PHRF1: variants seen among roughly 807,000 people sequenced by gnomAD.
The protein encoded by PHRF1 is PHD and ring finger domains 1.
Under a neutral mutation model 128.9 loss-of-function variants are expected in PHRF1, and 53 were observed. The observed-to-expected ratio is 0.41, with a 90% CI of 0.33 to 0.52. The LOEUF (loss-of-function observed/expected upper bound fraction) is 0.52. Ranked by LOEUF, PHRF1 falls within the 20% of genes least tolerant of loss-of-function variation. PHRF1 has a pLI of 0.21. For missense variants in PHRF1, 2,503 were observed against 2,284.5 expected (o/e 1.10, Z -1.95); for synonymous variants, 1,178 against 980.6 (o/e 1.20, Z -3.76).
chr11:586,360 C>G (rs972728679), intron 3 of PHRF1, among the ~76,000 whole-genome samples: 1 of 152,268 alleles, frequency 6.6e-6, no homozygotes, highest in Non-Finnish European at 1.5e-5. Flanking sequence ...CCTCGCAGCT[C>G]TCACTTCTCC....
At position 582,250 on chromosome 11, in the gene PHRF1, G is replaced by A. The variant is rs879061856; in HGVS notation, c.214+169G>A. On this transcript the variant is annotated intron_variant, in intron 3 of 17. Coordinates refer to ENST00000264555, the MANE Select transcript of PHRF1 (RefSeq NM_001286581.2). ...GCTGTGGTGACGGCTCACTTTATTT[G>A]TAGTACTTCATTTCTTTTTTTTTTT... Among the ~76,000 whole-genome samples the A allele has an allele frequency of 5.4e-5, 8 of 148,578 alleles. No individual in the cohort carries two copies. In the South Asian group the frequency reaches 8.5e-4, roughly 16 times the overall value.
At position 608,564 on chromosome 11, in the gene PHRF1, AGT is replaced by A; in HGVS notation, c.3110_3111del (p.Val1037GlyfsTer2). 1 of 1,612,318 alleles carries A rather than the reference AGT, an allele frequency of 6.2e-7. No homozygotes were observed. The highest frequency in any genetic ancestry group is 8.5e-7 in the Non-Finnish European group (1 of 1,179,808). On this transcript the variant is annotated frameshift_variant, in exon 14 of 18. Transcript: ENST00000264555. LOFTEE classifies it high-confidence loss of function. ...DRSSRSASPS[V>X]GEERPRRQRS... is the part of the protein sequence containing the mutation. Reference sequence around the variant, plus strand: ...GGAGCTCGAGGTCAGCGTCACCATCAGTGGGTGAGGAGCGCCCCAGGAGGCAG... The same window carrying A: ...GGAGCTCGAGGTCAGCGTCACCATCAGGGTGAGGAGCGCCCCAGGAGGCAG...
rs1037409379 is a variant in PHRF1, at chr11:609,514, A to G, written c.4058A>G (p.Glu1353Gly). ...EPHLLRPDAA[E>G]KAEAPSSPDV... The stretch of plus-strand genomic sequence containing the variant: ...CATTTGCTCAGGCCGGACGCGGCTG[A>G]GAAGGCTGAGGCACCCAGTTCCCCG... Residue 1353 changes from glutamate (E) to glycine (G), a missense_variant, in exon 14 of 18, where the codon GAG (glutamate) becomes GGG (glycine). Transcript: ENST00000264555. 3.7e-6 allele frequency: 6 copies of G among 1,602,336 alleles called. No homozygotes were observed. In the African/African-American group the frequency reaches 5.3e-5, roughly 14 times the overall value.
chr11:609,730 G>A lies in PHRF1; in HGVS notation c.4264+10G>A. 2 of 1,451,474 alleles carry A rather than the reference G, an allele frequency of 1.4e-6. No homozygotes were observed. Among genetic ancestry groups the A allele is most frequent in the Non-Finnish European group, 1.8e-6 (2 of 1,103,358 alleles). 89.9% of individuals were successfully genotyped at this position (1,451,474 alleles called of 1,614,324 possible). ...GAGGACAGAGCCCCCCGTGAGTAGTGCCCCGGCCCCCACCGAGGACAGAGC... is the reference window on the plus strand; with the variant it reads ...GAGGACAGAGCCCCCCGTGAGTAGTACCCCGGCCCCCACCGAGGACAGAGC... On this transcript the variant is annotated intron_variant, in intron 14 of 17. Coordinates refer to ENST00000264555, the MANE Select transcript of PHRF1 (RefSeq NM_001286581.2).
In PHRF1 at chr11:587,352, A is replaced by G. The variant is rs201661078; in HGVS notation, c.308A>G (p.Asp103Gly). 2.1e-4 allele frequency: 341 copies of G among 1,613,752 alleles called. No individual in the cohort carries two copies. Among genetic ancestry groups the G allele is most frequent in the Non-Finnish European group, 2.6e-4 (302 of 1,179,910 alleles). ...GCCGCTGGCTCTTTCAATTCTGATG[A>G]TGATGCAGAGAGCTGCCCAATCTGT... ...LEAAGSFNSDDDAESCPICLN... is the reference protein window; with the variant it reads ...LEAAGSFNSDGDAESCPICLN... Residue 103 changes from aspartate (D) to glycine (G), a missense_variant, in exon 4 of 18, where the codon GAT (aspartate) becomes GGT (glycine). Asp to Gly is a moderately conservative substitution (Grantham distance 94). Coordinates refer to ENST00000264555, the MANE Select transcript of PHRF1 (RefSeq NM_001286581.2).
At chr11:585,862 A>G (rs1854521986) in intron 3 of PHRF1, among the ~76,000 whole-genome samples, 1 of 142,648 alleles carries the variant, frequency 7.0e-6, no homozygotes, top group African/African-American at 2.7e-5. Context: ...TTGTATATTT[A>G]TTTATTTATT....
chr11:590,899 C>T (rs1341036514), intron 4 of PHRF1, among the ~76,000 whole-genome samples: 1 of 152,106 alleles, frequency 6.6e-6, no homozygotes, highest in Non-Finnish European at 1.5e-5. Flanking sequence ...GGCGGGGTTT[C>T]TCTGTGTCAG....
intron 6 of PHRF1, among the ~76,000 whole-genome samples, chr11:595,626 C>G (rs1487040018): frequency 6.6e-6 from 1 of 152,216 alleles, no homozygotes; most frequent in Non-Finnish European, 1.5e-5. Flanking sequence ...CTCCTCTTCT[C>G]GGGGATGAGT....
At position 609,792 on chromosome 11, in the gene PHRF1, G is replaced by T; in HGVS notation, c.4264+72G>T. The T allele has an allele frequency of 2.8e-6, 3 of 1,069,006 alleles. 1 individual carries two copies. Among genetic ancestry groups the T allele is most frequent in the South Asian group, 3.6e-5 (2 of 54,970 alleles). 66.2% of individuals were successfully genotyped at this position (1,069,006 alleles called of 1,614,324 possible). A position where few individuals can be genotyped will look rare whatever the true frequency, so the allele number is the denominator to read the frequency against. ...AAGGCCCTGGCCCCCGCCGAGGACA[G>T]AGCCCCCCGTGAGTAAGGCCCCGGC... On this transcript the variant is annotated intron_variant, in intron 14 of 17. Coordinates refer to ENST00000264555, the MANE Select transcript of PHRF1 (RefSeq NM_001286581.2).
chr11:581,687 TGTC>T, intron 2 of PHRF1, 81 bp downstream of exon 2: 1 of 1,301,654 alleles, frequency 7.7e-7, no homozygotes. Flanking sequence ...CGTCTGTGTG[TGTC>T]ACTTGTCAAC....
At chr11:604,664 G>A (rs1254194088) in intron 10 of PHRF1, among the ~76,000 whole-genome samples, 4 of 152,060 alleles carry the variant, frequency 2.6e-5, no homozygotes, top group South Asian at 2.1e-4. Context: ...ACAGGCGTCC[G>A]CCACCAGGCC....
chr11:599,248 CTTTTCTTT>C (rs1295408802), intron 9 of PHRF1, among the ~76,000 whole-genome samples: 2 of 124,740 alleles, frequency 1.6e-5, no homozygotes, highest in Non-Finnish European at 3.4e-5. Flanking sequence ...TTTTTTTTTT[CTTTTCTTT>C]TTTTTTTTTT....
chr11:609,737 C>T lies in PHRF1; in HGVS notation c.4264+17C>T, dbSNP rs771017016. ...GAGCCCCCCGTGAGTAGTGCCCCGG[C>T]CCCCACCGAGGACAGAGCCCCCAGT... is the stretch of plus-strand genomic sequence containing the variant. On this transcript the variant is annotated intron_variant, in intron 14 of 17. Coordinates refer to ENST00000264555, the MANE Select transcript of PHRF1 (RefSeq NM_001286581.2). 3.5e-6 allele frequency: 5 copies of T among 1,438,946 alleles called. No homozygotes were observed. The highest frequency in any genetic ancestry group is 4.6e-6 in the Non-Finnish European group (5 of 1,093,872). The allele number at this position is 1,438,946 out of a possible 1,614,324, so 89.1% of individuals were successfully genotyped here.
chr11:585,070 G>A (rs571150375), intron 3 of PHRF1, among the ~76,000 whole-genome samples: 18 of 152,310 alleles, frequency 1.2e-4, no homozygotes, highest in African/African-American at 4.1e-4. Context: ...GAAGTAGCCA[G>A]TGGGTCCCTA....
At chr11:601,725 G>C in intron 10 of PHRF1, 24 bp downstream of exon 10, 1 of 1,613,078 alleles carries the variant, frequency 6.2e-7, no homozygotes, top group East Asian at 2.2e-5. Flanking sequence ...GGCAGGGCCT[G>C]AGTCTCCTGC....
intron 6 of PHRF1, 66 bp from the exon 7 acceptor site, chr11:596,857 C>G: frequency 7.0e-7 from 1 of 1,435,178 alleles, no homozygotes; most frequent in Admixed American, 1.7e-5. Flanking sequence ...GTGGTCCCCT[C>G]ACTTGAGGAG....
chr11:607,757 G>C lies in PHRF1; in HGVS notation c.2301G>C (p.Gly767=). The C allele has an allele frequency of 6.2e-7, 1 of 1,612,488 alleles. No individual in the cohort carries two copies. The highest frequency in any genetic ancestry group is 8.5e-7 in the Non-Finnish European group (1 of 1,179,708). ...TGGCCCCACTGGGACCATCAAGAGGGAAAGGGGTCGGGTCGACCTTTGAGA... is the reference window on the plus strand; with the variant it reads ...TGGCCCCACTGGGACCATCAAGAGGCAAAGGGGTCGGGTCGACCTTTGAGA... ...GSLAPLGPSR[G]KGVGSTFESF... is the part of the protein sequence containing the mutation. Residue 767 remains glycine (G), a synonymous_variant, in exon 14 of 18, where the codon GGG becomes GGC. Coordinates refer to ENST00000264555, the MANE Select transcript of PHRF1 (RefSeq NM_001286581.2).
chr11:598,699 T>TG (rs1241284993), intron 9 of PHRF1, among the ~76,000 whole-genome samples, 197 bp downstream of exon 9: 4 of 152,268 alleles, frequency 2.6e-5, no homozygotes. Flanking sequence ...GCGACCACGC[T>TG]GCCTCTGGCA....
At chr11:577,279 G>T (rs930442061) in intron 1 of PHRF1, among the ~76,000 whole-genome samples, 2 of 152,248 alleles carry the variant, frequency 1.3e-5, no homozygotes, top group African/African-American at 4.8e-5. Flanking sequence ...ATCCGCGCCA[G>T]CCCCGACTCC....
Sources: gnomAD v4.1 joint callset for allele counts (sites outside exome capture counted in the v4.1 genomes callset) on GRCh38, gnomAD v4.1.1 for gene constraint, MANE v1.5 for transcripts, NCBI Gene and HGNC (gene_info 2026-07-23, HGNC 2026-07-21) for gene names.